Variants in CEP290 observed in about 807,000 individuals in gnomAD.
CEP290 encodes the protein centrosomal protein of 290 kDa.
In CEP290, 317 loss-of-function variants were observed where a neutral mutation model predicts 344.9. The ratio of observed to expected loss-of-function variants is 0.92; its 90% CI spans 0.84 to 1.01. The LOEUF is 1.01. CEP290 is among the 50% of genes least tolerant of loss of function. CEP290 has a pLI of 0.00. For missense variants in CEP290, 2,754 were observed against 2,761.4 expected, an observed-to-expected ratio of 1.00 and a Z score of 0.06; for synonymous variants, 932 against 895.8, an observed-to-expected ratio of 1.04 and a Z score of -0.72.
chr12:88,086,288 C>T, intron 33 of CEP290, 103 bp downstream of exon 33: 1 of 1,411,064 alleles, frequency 7.1e-7, no homozygotes, highest in Non-Finnish European at 9.6e-7. Context: ...TTTAAATATA[C>T]AATATAACAT....
intron 35 of CEP290, 25 bp downstream of exon 35, chr12:88,084,561 C>T: frequency 3.2e-6 from 5 of 1,578,468 alleles, no homozygotes; most frequent in Non-Finnish European, 3.5e-6. Flanking sequence ...TGGATAACAG[C>T]ATAACTCATA....
At chr12:88,108,543 A>T (rs1331772248) in intron 23 of CEP290, among the ~76,000 whole-genome samples, 2 of 152,200 alleles carry the variant, frequency 1.3e-5, no homozygotes, top group Non-Finnish European at 2.9e-5. Context: ...AATTCCTATT[A>T]AGGAAATCAT....
At chr12:88,077,503 A>G (rs2035866945) in intron 40 of CEP290, among the ~76,000 whole-genome samples, 159 bp from the exon 41 acceptor site, 1 of 152,030 alleles carries the variant, frequency 6.6e-6, no homozygotes, top group African/African-American at 2.4e-5. Context: ...CTGCTTCTGC[A>G]TTTTAATACA....
intron 34 of CEP290, 91 bp from the exon 35 acceptor site, chr12:88,084,943 A>C: frequency 4.8e-6 from 5 of 1,042,638 alleles, no homozygotes; most frequent in Non-Finnish European, 5.4e-6. Context: ...TAGCCAAAAA[A>C]AATTCACTTT....
intron 41 of CEP290, among the ~76,000 whole-genome samples, chr12:88,073,555 A>G (rs527379658): frequency 6.6e-6 from 1 of 152,332 alleles, no homozygotes; most frequent in Non-Finnish European, 1.5e-5. Flanking sequence ...ATGCATTTCA[A>G]TTATAATAGT....
chr12:88,108,925 A>C, intron 23 of CEP290, 141 bp downstream of exon 23: 1 of 444,498 alleles, frequency 2.2e-6, no homozygotes, highest in Non-Finnish European at 4.0e-6. Flanking sequence ...AGTTCCTAAC[A>C]GTAGTTACCA....
At chr12:88,101,413 G>A (rs2037867066) in intron 26 of CEP290, among the ~76,000 whole-genome samples, 1 of 150,302 alleles carries the variant, frequency 6.7e-6, no homozygotes, top group African/African-American at 2.5e-5. Context: ...CCCGGGAGGT[G>A]GAGCTTGCAG....
chr12:88,113,208 A>C (rs2038817970), intron 20 of CEP290, among the ~76,000 whole-genome samples: 1 of 152,142 alleles, frequency 6.6e-6, no homozygotes, highest in South Asian at 2.1e-4. Context: ...TGGGCTATTC[A>C]CTGTGTTTTC....
intron 18 of CEP290, chr12:88,115,966 C>A (rs1434100395): frequency 4.1e-6 from 4 of 984,800 alleles, no homozygotes; most frequent in Non-Finnish European, 3.6e-6. Context: ...GCATACTTTA[C>A]TTGGGAATGA....
At position 88,087,872 on chromosome 12, in the gene CEP290, C is replaced by A. The variant is rs184143186; in HGVS notation, c.4102G>T (p.Asp1368Tyr). Reference sequence around the variant, plus strand: ...TTCAAATATTTTATTTCTTCTTTATCCTTGACTAATTCCCGATTTAGTTTA... The same window carrying A: ...TTCAAATATTTTATTTCTTCTTTATACTTGACTAATTCCCGATTTAGTTTA... The part of the protein sequence containing the change: ...ELKLNRELVK[D>Y]KEEIKYLNNI... Residue 1368 changes from aspartate to tyrosine, a missense_variant, in exon 32 of 54, where the codon GAT becomes TAT. Coordinates refer to ENST00000552810, the MANE Select transcript of CEP290 (RefSeq NM_025114.4). 8.1e-7 allele frequency: 1 copy of A among 1,239,454 alleles called. No individual in the cohort carries two copies. Among genetic ancestry groups the A allele is most frequent in the Non-Finnish European group, 1.0e-6 (1 of 966,462 alleles). 76.8% of individuals were successfully genotyped at this position (1,239,454 alleles called of 1,614,324 possible).
At position 88,087,886 on chromosome 12, in the gene CEP290, C is replaced by A. The variant is rs188502327; in HGVS notation, c.4088G>T (p.Arg1363Leu). 38 of 1,227,694 alleles carry A rather than the reference C, an allele frequency of 3.1e-5. No homozygotes were observed. Among genetic ancestry groups the A allele is most frequent in the Non-Finnish European group, 3.6e-5 (35 of 959,094 alleles). The allele number at this position is 1,227,694 out of a possible 1,614,324, so 76.1% of individuals were successfully genotyped here. The change falls in exon 32 of 54, where the codon CGG becomes CTG. Residue 1363 changes from arginine to leucine, a missense_variant. Coordinates refer to ENST00000552810, the MANE Select transcript of CEP290 (RefSeq NM_025114.4). ...ELRLQELKLN[R>L]ELVKDKEEIK... ...TTCTTCTTTATCCTTGACTAATTCC[C>A]GATTTAGTTTAAGTTCTTGAAGACG...
chr12:88,108,082 T>C (rs2038419002), intron 23 of CEP290, among the ~76,000 whole-genome samples: 1 of 152,062 alleles, frequency 6.6e-6, no homozygotes, highest in South Asian at 2.1e-4. Flanking sequence ...ATACCATAAA[T>C]TCTTGTGAAT....
Position 88,062,751 on chromosome 12 carries a change from A to T in CEP290, c.6298T>A (p.Cys2100Ser). 1 of 1,591,648 alleles carries T rather than the reference A, an allele frequency of 6.3e-7. No homozygotes were observed. The highest frequency in any genetic ancestry group is 2.3e-5 in the East Asian group (1 of 44,388). Reference protein sequence around the residue: ...KNQVRDLKEMCEFLKKEKAEV... With the variant: ...KNQVRDLKEMSEFLKKEKAEV... ...GCTTTTTCTTTCTTAAGAAATTCAC[A>T]CATTTCCTTCAAATCTCTGACTTGA... Residue 2100 changes from cysteine (C) to serine (S), a missense_variant, in exon 46 of 54, where the codon TGT (cysteine) becomes AGT (serine). Physicochemically the swap from Cys to Ser is moderately radical, Grantham distance 112. Transcript: ENST00000552810.
At chr12:88,073,837 C>T (rs969526160) in intron 41 of CEP290, among the ~76,000 whole-genome samples, 2 of 152,170 alleles carry the variant, frequency 1.3e-5, no homozygotes, top group Non-Finnish European at 2.9e-5. Context: ...ACGACTTTCT[C>T]GAATACTAGA....
chr12:88,133,070 C>T lies in CEP290; in HGVS notation c.442-1852G>A, dbSNP rs559952751. 6.1e-5 allele frequency among the ~76,000 whole-genome samples: 9 copies of T among 146,750 alleles called. No individual in the cohort carries two copies. In the South Asian group the frequency reaches 1.1e-3, roughly 17 times the overall value. ...CCCTGCAAAGGACATGATCTTGTTC[C>T]GGTTTTTTTTTTTTTTTTTTTTTGA... On this transcript the variant is annotated intron_variant, in intron 6 of 53. Transcript: ENST00000552810.
chr12:88,067,599 CTT>C (rs1356152541), intron 44 of CEP290, among the ~76,000 whole-genome samples: 1 of 152,184 alleles, frequency 6.6e-6, no homozygotes, highest in African/African-American at 2.4e-5. Flanking sequence ...CTATGTGTCT[CTT>C]TCCTTTCTCA....
rs745813087 is a variant in CEP290, at chr12:88,050,347, A to G, written c.7209+7T>C. The G allele has an allele frequency of 3.6e-6, 5 of 1,382,438 alleles. No homozygotes were observed. In the South Asian group the frequency reaches 6.2e-5, roughly 17 times the overall value. The allele number at this position is 1,382,438 out of a possible 1,614,324, so 85.6% of individuals were successfully genotyped here. A position where few individuals can be genotyped will look rare whatever the true frequency, so the allele number is the denominator to read the frequency against. On this transcript the variant is annotated splice_region_variant and intron_variant, in intron 53 of 53. Coordinates refer to ENST00000552810, the MANE Select transcript of CEP290 (RefSeq NM_025114.4). ...CAAAACGATACTAAAATATAATTAAATATTACCTTCAAATGCTGCTTTTCT... is the reference window on the plus strand; with the variant it reads ...CAAAACGATACTAAAATATAATTAAGTATTACCTTCAAATGCTGCTTTTCT...
chr12:88,131,144 A>G, intron 7 of CEP290, 21 bp downstream of exon 7: 2 of 1,493,312 alleles, frequency 1.3e-6, no homozygotes, highest in Non-Finnish European at 1.8e-6. Context: ...TTGAACCACC[A>G]CAACTACTAA....
chr12:88,130,466 T>G (rs751483467), intron 8 of CEP290, 46 bp from the exon 9 acceptor site: 11 of 1,597,450 alleles, frequency 6.9e-6, no homozygotes, highest in Non-Finnish European at 9.4e-6. Context: ...CTATTCAGAA[T>G]AACAAAATCA....
Sources: allele counts gnomAD v4.1 joint callset (sites outside exome capture counted in the v4.1 genomes callset), GRCh38; gene constraint gnomAD v4.1.1; transcripts MANE v1.5; gene names NCBI Gene and HGNC (gene_info 2026-07-23, HGNC 2026-07-21).